The following OPHN1 variants were observed in gnomAD, a reference collection of about 807,000 sequenced individuals.
OPHN1 encodes the protein oligophrenin-1.
OPHN1 carries 11 observed loss-of-function variants against 60.7 expected under a neutral mutation model. That is an observed-to-expected ratio of 0.18 (90% CI 0.11 to 0.30). The LOEUF (loss-of-function observed/expected upper bound fraction) is 0.30, where lower values mean the gene tolerates loss of function less well. Ranked by LOEUF, OPHN1 falls within the 10% of genes least tolerant of loss-of-function variation. The pLI, the probability that OPHN1 is intolerant of heterozygous loss-of-function variation, is 1.00. For synonymous variants in OPHN1, 226 were observed against 222.6 expected (o/e 1.02, Z -0.14); for missense variants, 449 against 611.0 (o/e 0.73, Z 2.80).
At chrX:68,222,258 T>A (rs2077663838) in intron 6 of OPHN1, among the ~76,000 whole-genome samples, 1 of 107,954 alleles carries the variant, frequency 9.3e-6, no homozygotes, top group South Asian at 4.2e-4. Flanking sequence ...AGAATGGCAA[T>A]CATTAAAAAG....
chrX:68,165,436 C>T (rs1335921736), intron 15 of OPHN1, among the ~76,000 whole-genome samples: 1 of 110,322 alleles, frequency 9.1e-6, no homozygotes, highest in African/African-American at 3.3e-5. Flanking sequence ...CAGGGAGGCC[C>T]AAGGAGAGGC....
At chrX:68,390,222 C>T (rs1439729993) in intron 2 of OPHN1, among the ~76,000 whole-genome samples, 2 of 111,349 alleles carry the variant, frequency 1.8e-5, no homozygotes, top group African/African-American at 6.5e-5. Context: ...GGAGACATAG[C>T]CAAACTATAT....
intron 15 of OPHN1, among the ~76,000 whole-genome samples, chrX:68,180,857 G>A (rs1236035260): frequency 8.9e-6 from 1 of 111,970 alleles, no homozygotes; most frequent in Non-Finnish European, 1.9e-5. Flanking sequence ...TTATCAAGCA[G>A]TCCTCATCTG....
At chrX:68,202,296 T>C (rs935624754) in intron 10 of OPHN1, among the ~76,000 whole-genome samples, 4 of 111,760 alleles carry the variant, frequency 3.6e-5, no homozygotes, top group African/African-American at 1.3e-4. Flanking sequence ...TTAGTCATGG[T>C]AGCATTTGAT....
chrX:68,265,884 C>T (rs866043186), intron 5 of OPHN1, among the ~76,000 whole-genome samples: 1 of 111,361 alleles, frequency 9.0e-6, no homozygotes, highest in African/African-American at 3.3e-5. Context: ...GATGAATGCA[C>T]AAGCCTCTGT....
intron 18 of OPHN1, among the ~76,000 whole-genome samples, chrX:68,101,619 G>A (rs1361621015): frequency 8.9e-6 from 1 of 112,144 alleles, no homozygotes; most frequent in Non-Finnish European, 1.9e-5. Context: ...GTAAGTTTCA[G>A]CTAACATTAT....
intron 6 of OPHN1, among the ~76,000 whole-genome samples, chrX:68,216,055 TTACAAA>T (rs2077606970): frequency 9.0e-6 from 1 of 111,696 alleles, no homozygotes; most frequent in Non-Finnish European, 1.9e-5. Context: ...TGATTGTATC[TTACAAA>T]TAAGTAAAAA....
intron 21 of OPHN1, among the ~76,000 whole-genome samples, chrX:68,054,876 C>T (rs1231476552): frequency 8.9e-6 from 1 of 111,767 alleles, no homozygotes; most frequent in Non-Finnish European, 1.9e-5. Flanking sequence ...TTATATTCAT[C>T]CATTTTTTTC....
At chrX:68,081,924 A>G (rs1204829201) in intron 19 of OPHN1, among the ~76,000 whole-genome samples, 2 of 111,693 alleles carry the variant, frequency 1.8e-5, no homozygotes, top group Non-Finnish European at 3.8e-5. Flanking sequence ...AATTGGAGTC[A>G]CTCCTCTCAA....
intron 6 of OPHN1, among the ~76,000 whole-genome samples, chrX:68,225,327 C>A (rs2077685389): frequency 8.9e-6 from 1 of 112,113 alleles, no homozygotes; most frequent in Non-Finnish European, 1.9e-5. Context: ...GCAGCAGAAA[C>A]CTCTGCAGAC....
At chrX:68,275,587 T>C (rs2077988511) in intron 4 of OPHN1, among the ~76,000 whole-genome samples, 1 of 111,549 alleles carries the variant, frequency 9.0e-6, no homozygotes, top group African/African-American at 3.3e-5. Flanking sequence ...AGAAGGCATC[T>C]AAAGGGCTGC....
At chrX:68,353,111 G>A (rs777681813) in intron 2 of OPHN1, among the ~76,000 whole-genome samples, 3 of 109,392 alleles carry the variant, frequency 2.7e-5, no homozygotes, top group African/African-American at 6.6e-5. Context: ...ATGAACGCAC[G>A]TACCCCTGGA....
intron 5 of OPHN1, 147 bp downstream of exon 5, chrX:68,274,591 A>G (rs772373000): frequency 5.2e-5 from 21 of 402,571 alleles, no homozygotes; most frequent in Middle Eastern, 1.2e-3. Context: ...AACAACAAAC[A>G]TTTATTTTGC....
chrX:68,355,404 T>A (rs1472405464), intron 2 of OPHN1, among the ~76,000 whole-genome samples: 2 of 112,254 alleles, frequency 1.8e-5, no homozygotes, highest in East Asian at 5.6e-4. Context: ...TTTGATCATT[T>A]GAGTTTCTGG....
intron 2 of OPHN1, among the ~76,000 whole-genome samples, chrX:68,407,146 G>A (rs2147773997): frequency 8.9e-6 from 1 of 112,844 alleles, no homozygotes; most frequent in East Asian, 2.8e-4. Flanking sequence ...GGAGGTTGCA[G>A]TGAGCCCAGA....
chrX:68,245,991 G>C (rs888901106), intron 5 of OPHN1, among the ~76,000 whole-genome samples: 6 of 110,892 alleles, frequency 5.4e-5, no homozygotes, highest in Non-Finnish European at 5.7e-5. Flanking sequence ...TTTTAGTAGA[G>C]ACGGGGTTTC....
intron 18 of OPHN1, among the ~76,000 whole-genome samples, chrX:68,107,839 C>A (rs1479460490): frequency 8.9e-6 from 1 of 111,897 alleles, no homozygotes; most frequent in African/African-American, 3.2e-5. Context: ...CAGATAGGTT[C>A]ATTGTAAAGA....
chrX:68,094,013 T>C (rs1276333895), intron 19 of OPHN1, among the ~76,000 whole-genome samples: 1 of 110,978 alleles, frequency 9.0e-6, no homozygotes, highest in Non-Finnish European at 1.9e-5. Context: ...TTCTATATTA[T>C]CTTCTACAAG....
intron 15 of OPHN1, among the ~76,000 whole-genome samples, chrX:68,181,463 A>C (rs922846998): frequency 9.0e-6 from 1 of 111,493 alleles, no homozygotes; most frequent in Non-Finnish European, 1.9e-5. Context: ...TTGAATTTTA[A>C]CTGAGCATTC....
Sources: gnomAD v4.1 joint callset for allele counts (sites outside exome capture counted in the v4.1 genomes callset) on GRCh38, gnomAD v4.1.1 for gene constraint, MANE v1.5 for transcripts, NCBI Gene and HGNC (gene_info 2026-07-23, HGNC 2026-07-21) for gene names.